The following DNAH9 variants were observed in gnomAD, a reference collection of about 807,000 sequenced individuals.
The protein encoded by DNAH9 is DNAH9 variant protein.
DNAH9 carries 345 observed loss-of-function variants against 471.6 expected under a neutral mutation model. The observed-to-expected ratio is 0.73, with a 90% CI of 0.67 to 0.80. DNAH9 has a LOEUF of 0.80. DNAH9 is among the 30% of genes least tolerant of loss of function. The pLI, the probability that DNAH9 is intolerant of heterozygous loss-of-function variation, is 0.00. For missense variants in DNAH9, 5,407 were observed against 5,609.2 expected, an observed-to-expected ratio of 0.96 and a Z score of 1.15; for synonymous variants, 2,093 against 2,123.6, an observed-to-expected ratio of 0.99 and a Z score of 0.40.
chr17:11,843,863 G>GTGTGTGTGTATA lies in DNAH9; in HGVS notation c.9507+8966_9507+8967insGTGTGTGTATAT, dbSNP rs1253794533. Among the ~76,000 whole-genome samples, 28 of 46,468 alleles carry GTGTGTGTGTATA rather than the reference G, an allele frequency of 6.0e-4. 1 individual carries two copies. Among genetic ancestry groups the GTGTGTGTGTATA allele is most frequent in the Non-Finnish European group, 7.8e-4 (19 of 24,464 alleles). 30.5% of individuals were successfully genotyped at this position (46,468 alleles called of 152,430 possible). On this transcript the variant is annotated intron_variant, in intron 49 of 68. Transcript: ENST00000262442. ...TGTTTGTGTGTGTGTGTGTGTGTGT[G>GTGTGTGTGTATA]TATATATATATATATATATATATAT...
chr17:11,943,261 G>A lies in DNAH9; in HGVS notation c.12843+776G>A, dbSNP rs556902733. 2.6e-5 allele frequency among the ~76,000 whole-genome samples: 4 copies of A among 152,292 alleles called. No individual in the cohort carries two copies. In the South Asian group the frequency reaches 8.3e-4, roughly 32 times the overall value. ...GACAAGCCCTGGAAGTCCAGGTATG[G>A]AACATGCTGGTGCCTTCATCATGTC... On this transcript the variant is annotated intron_variant, in intron 67 of 68. Coordinates refer to ENST00000262442, the MANE Select transcript of DNAH9 (RefSeq NM_001372.4).
intron 67 of DNAH9, among the ~76,000 whole-genome samples, chr17:11,958,641 A>G (rs1286329281): frequency 6.6e-6 from 1 of 152,042 alleles, no homozygotes; most frequent in African/African-American, 2.4e-5. Context: ...GAATGTTGAT[A>G]GTGGTGGAGG....
Position 11,930,105 on chromosome 17 carries a change from G to T in DNAH9, c.12105+12G>T. 6 of 1,608,446 alleles carry T rather than the reference G, an allele frequency of 3.7e-6. No homozygotes were observed. The highest frequency in any genetic ancestry group is 5.1e-6 in the Non-Finnish European group (6 of 1,176,472). ...ACAACTTCACTCAGGTACGGCCCCG[G>T]GAGGGAGGCAAAAACAGCAGCACAC... On this transcript the variant is annotated intron_variant, in intron 63 of 68. Coordinates refer to ENST00000262442, the MANE Select transcript of DNAH9 (RefSeq NM_001372.4).
chr17:11,910,090 C>T (rs1002655684), intron 61 of DNAH9, among the ~76,000 whole-genome samples: 2 of 152,148 alleles, frequency 1.3e-5, no homozygotes, highest in South Asian at 4.2e-4. Context: ...CCTGTCTCTA[C>T]TAAAAATACA....
At chr17:11,671,735 C>T (rs997388614) in intron 17 of DNAH9, among the ~76,000 whole-genome samples, 8 of 152,138 alleles carry the variant, frequency 5.3e-5, no homozygotes, top group Non-Finnish European at 1.0e-4. Flanking sequence ...TCTAAGACCC[C>T]GATGTGAAAG....
chr17:11,835,763 C>T (rs937988580), intron 49 of DNAH9, among the ~76,000 whole-genome samples: 1 of 152,154 alleles, frequency 6.6e-6, no homozygotes, highest in African/African-American at 2.4e-5. Context: ...TCCCGAGAGT[C>T]TGGCAGTTCC....
At chr17:11,691,342 C>T (rs2074329412) in intron 20 of DNAH9, among the ~76,000 whole-genome samples, 1 of 152,084 alleles carries the variant, frequency 6.6e-6, no homozygotes, top group South Asian at 2.1e-4. Flanking sequence ...GCAGACAAGG[C>T]TTAATTAAAA....
chr17:11,805,615 T>C (rs980271004), intron 43 of DNAH9, among the ~76,000 whole-genome samples: 12 of 133,042 alleles, frequency 9.0e-5, no homozygotes, highest in African/African-American at 3.4e-4. Flanking sequence ...TGGAGCGATC[T>C]TGGCTCACTG....
At chr17:11,773,685 G>T (rs970072370) in intron 38 of DNAH9, among the ~76,000 whole-genome samples, 1 of 152,166 alleles carries the variant, frequency 6.6e-6, no homozygotes, top group South Asian at 2.1e-4. Flanking sequence ...GTGGAATAGA[G>T]AATTATTTAA....
intron 44 of DNAH9, among the ~76,000 whole-genome samples, chr17:11,809,658 T>G (rs1969816602): frequency 6.6e-6 from 1 of 152,176 alleles, no homozygotes; most frequent in Non-Finnish European, 1.5e-5. Context: ...TACCTCACTC[T>G]CAGTCAAGAC....
chr17:11,611,050 T>C lies in DNAH9; in HGVS notation c.773+496T>C, dbSNP rs8078545. Reference sequence around the variant, plus strand: ...TTGTCCAGAAAGGCTTCATTATTGCTCCTGCTCCTGCTCCTGCTCCTGCTT... The same window carrying C: ...TTGTCCAGAAAGGCTTCATTATTGCCCCTGCTCCTGCTCCTGCTCCTGCTT... On this transcript the variant is annotated intron_variant, in intron 3 of 68. Coordinates refer to ENST00000262442, the MANE Select transcript of DNAH9 (RefSeq NM_001372.4). 2.3e-4 allele frequency among the ~76,000 whole-genome samples: 19 copies of C among 83,822 alleles called. No individual in the cohort carries two copies. In the East Asian group the frequency reaches 3.7e-3, roughly 16 times the overall value. The allele number at this position is 83,822 out of a possible 152,430, so 55.0% of individuals were successfully genotyped here.
chr17:11,747,554 AGGT>A lies in DNAH9; in HGVS notation c.6402_6404del (p.Val2135del). 1.2e-6 allele frequency: 2 copies of A among 1,612,730 alleles called. No individual in the cohort carries two copies. The highest frequency in any genetic ancestry group is 1.7e-6 in the Non-Finnish European group (2 of 1,179,684). On this transcript the variant is annotated splice_acceptor_variant and coding_sequence_variant, in exon 32 of 69. Transcript: ENST00000262442. LOFTEE classifies it high-confidence loss of function. Reference sequence around the variant, plus strand: ...CTCTGGCTGAATTTCCTGCCTCCTCAGGTGGTCCAGCTGGAGGAGCTCCTGGCT... The same window carrying A: ...CTCTGGCTGAATTTCCTGCCTCCTCAGGTCCAGCTGGAGGAGCTCCTGGCT...
intron 17 of DNAH9, among the ~76,000 whole-genome samples, chr17:11,671,413 G>A (rs545333135): frequency 4.3e-4 from 65 of 152,196 alleles, no homozygotes; most frequent in Non-Finnish European, 8.1e-4. Context: ...CAGAGGGGGG[G>A]CAGAGAATAC....
intron 6 of DNAH9, among the ~76,000 whole-genome samples, chr17:11,624,206 T>C (rs908029222): frequency 5.3e-5 from 8 of 152,170 alleles, no homozygotes; most frequent in African/African-American, 1.9e-4. Context: ...CCTGTATCCT[T>C]GCAATCATCT....
At position 11,694,391 on chromosome 17, in the gene DNAH9, T is replaced by C. The variant is rs765169895; in HGVS notation, c.4816T>C (p.Phe1606Leu). Residue 1606 changes from phenylalanine to leucine, a missense_variant, in exon 22 of 69, where the codon TTT (phenylalanine) becomes CTT (leucine). Phe to Leu is a conservative substitution (Grantham distance 22). Coordinates refer to ENST00000262442, the MANE Select transcript of DNAH9 (RefSeq NM_001372.4). ...GAGGCTTGCCTTCCCGCGGTTTTAC[T>C]TTCTCTCCTCCTCCGATCTGTTAGA... ...TKRLAFPRFYFLSSSDLLDIL... is the reference protein window; with the variant it reads ...TKRLAFPRFYLLSSSDLLDIL... The C allele has an allele frequency of 9.9e-6, 16 of 1,613,242 alleles. No individual in the cohort carries two copies. In the East Asian group the frequency reaches 3.4e-4, roughly 34 times the overall value.
chr17:11,721,684 A>G (rs2075062394), intron 27 of DNAH9, among the ~76,000 whole-genome samples: 2 of 152,150 alleles, frequency 1.3e-5, no homozygotes, highest in South Asian at 4.1e-4. Context: ...GATAAATGAT[A>G]GATGAATGAT....
chr17:11,740,499 C>T (rs1427421129), intron 29 of DNAH9, among the ~76,000 whole-genome samples: 1 of 152,132 alleles, frequency 6.6e-6, no homozygotes, highest in Non-Finnish European at 1.5e-5. Flanking sequence ...CTCTGGGTAG[C>T]GCTCCACCCT....
Position 11,744,823 on chromosome 17 carries a change from C to T in DNAH9, c.6138C>T (p.Ala2046=). The stretch of plus-strand genomic sequence containing the variant: ...ATCACTACGACTGGGGCCTACGGGC[C>T]ATCAAGTCCGTGCTGGTGGTGGCAG... ...KQDHYDWGLR[A]IKSVLVVAGS... is the part of the protein sequence containing the mutation. Residue 2046 remains alanine, a synonymous_variant, in exon 31 of 69, where the codon GCC becomes GCT. Transcript: ENST00000262442. 6.2e-7 allele frequency: 1 copy of T among 1,613,806 alleles called. No homozygotes were observed. The highest frequency in any genetic ancestry group is 8.5e-7 in the Non-Finnish European group (1 of 1,179,740).
chr17:11,755,421 C>G (rs1026011458), intron 33 of DNAH9, among the ~76,000 whole-genome samples: 1 of 152,142 alleles, frequency 6.6e-6, no homozygotes, highest in Admixed American at 6.6e-5. Flanking sequence ...GCAGTATGGT[C>G]ATTTAATGAG....
Sources: allele counts gnomAD v4.1 joint callset (sites outside exome capture counted in the v4.1 genomes callset), GRCh38; gene constraint gnomAD v4.1.1; transcripts MANE v1.5; gene names NCBI Gene and HGNC (gene_info 2026-07-23, HGNC 2026-07-21).